SLCO2B1: variants seen among roughly 807,000 people sequenced by gnomAD.
The protein encoded by SLCO2B1 is solute carrier organic anion transporter family member 2B1, also known as OATP-RP2.
A neutral mutation model predicts 67.3 loss-of-function variants in SLCO2B1; 41 were observed. That is an observed-to-expected ratio of 0.61 (90% confidence interval 0.47 to 0.79). The LOEUF is 0.79. Among genes scored for constraint, SLCO2B1 ranks in the 30% least tolerant of loss-of-function variants. The probability of loss-of-function intolerance (pLI) is 0.00; values close to 1 mark genes in which losing one functional copy is unlikely to be tolerated. For synonymous variants in SLCO2B1, 379 were observed against 381.4 expected, an observed-to-expected ratio of 0.99 and a Z score of 0.07; for missense variants, 837 against 920.1, an observed-to-expected ratio of 0.91 and a Z score of 1.17.
At chr11:75,158,432 C>A (rs1412835377) in intron 1 of SLCO2B1, among the ~76,000 whole-genome samples, 2 of 152,044 alleles carry the variant, frequency 1.3e-5, no homozygotes, top group African/African-American at 4.8e-5. Context: ...GGGAACCTAG[C>A]AAGGCCTGTT....
chr11:75,181,426 G>A (rs536934000), intron 7 of SLCO2B1, among the ~76,000 whole-genome samples: 1 of 151,678 alleles, frequency 6.6e-6, no homozygotes, highest in South Asian at 2.1e-4. Context: ...ATTCTTCATG[G>A]AAACTCAGCT....
At position 75,158,488 on chromosome 11, in the gene SLCO2B1, G is replaced by GT. The variant is rs545492185; in HGVS notation, c.17-4157dup. 2.1e-3 allele frequency among the ~76,000 whole-genome samples: 315 copies of GT among 149,904 alleles called. 1 individual carries two copies. Among genetic ancestry groups the GT allele is most frequent in the Non-Finnish European group, 3.2e-3 (217 of 67,290 alleles). Reference sequence around the variant, plus strand: ...TCCTTGCATCTTCAAAGTTAAGGCTGTTTTTTTTTTCTCCAGGTACAAAGA... The same window carrying GT: ...TCCTTGCATCTTCAAAGTTAAGGCTGTTTTTTTTTTTCTCCAGGTACAAAGA... On this transcript the variant is annotated intron_variant, in intron 1 of 13. Coordinates refer to ENST00000289575, the MANE Select transcript of SLCO2B1 (RefSeq NM_007256.5).
At chr11:75,194,928 T>C (rs1374185439) in intron 9 of SLCO2B1, among the ~76,000 whole-genome samples, 2 of 152,190 alleles carry the variant, frequency 1.3e-5, no homozygotes, top group Non-Finnish European at 2.9e-5. Context: ...GAAGAGACCA[T>C]TTGGGACCAA....
chr11:75,180,093 C>T (rs1296035718), intron 7 of SLCO2B1, among the ~76,000 whole-genome samples: 1 of 152,254 alleles, frequency 6.6e-6, no homozygotes, highest in Non-Finnish European at 1.5e-5. Context: ...TCTTGGCTCA[C>T]TGCAACCTCT....
intron 7 of SLCO2B1, among the ~76,000 whole-genome samples, chr11:75,178,338 T>A (rs12275982): frequency 0.026 from 3,931 of 152,306 alleles, 74 homozygotes; most frequent in African/African-American, 0.048. Context: ...AGGTGGGCAG[T>A]TCAGTGCCAA....
intron 7 of SLCO2B1, among the ~76,000 whole-genome samples, chr11:75,186,159 C>G (rs902400824): frequency 6.6e-6 from 1 of 152,110 alleles, no homozygotes; most frequent in African/African-American, 2.4e-5. Flanking sequence ...GATCCTCCCT[C>G]CTCAGCCTCT....
rs970758196 is a variant in SLCO2B1, at chr11:75,151,873, G to A, written c.16+476G>A. ...CAGGGAAAGGTAGGGAGGTCAAACCGGGAGAGAGGGCTGCAGCAGAGACTG... is the reference window on the plus strand; with the variant it reads ...CAGGGAAAGGTAGGGAGGTCAAACCAGGAGAGAGGGCTGCAGCAGAGACTG... On this transcript the variant is annotated intron_variant, in intron 1 of 13. Coordinates refer to ENST00000289575, the MANE Select transcript of SLCO2B1 (RefSeq NM_007256.5). The A allele has an allele frequency of 3.7e-5, 6 of 164,176 alleles. No homozygotes were observed. In the South Asian group the frequency reaches 5.0e-4, roughly 14 times the overall value. The allele number at this position is 164,176 out of a possible 1,614,324, so 10.2% of individuals were successfully genotyped here.
chr11:75,164,968 T>C lies in SLCO2B1; in HGVS notation c.286-819T>C, dbSNP rs534505337. On this transcript the variant is annotated intron_variant, in intron 3 of 13. Transcript: ENST00000289575. Reference sequence around the variant, plus strand: ...CATCCCCTGGCTCCCCTGCTGATACTGATCCACTCCCCCAGCGAGGAGTGT... The same window carrying C: ...CATCCCCTGGCTCCCCTGCTGATACCGATCCACTCCCCCAGCGAGGAGTGT... Among the ~76,000 whole-genome samples, 4 of 152,298 alleles carry C rather than the reference T, an allele frequency of 2.6e-5. No individual in the cohort carries two copies. The South Asian group carries it at 8.3e-4, about 32-fold the overall frequency.
At chr11:75,191,197 G>A (rs1945018882) in intron 8 of SLCO2B1, among the ~76,000 whole-genome samples, 1 of 152,070 alleles carries the variant, frequency 6.6e-6, no homozygotes, top group Non-Finnish European at 1.5e-5. Flanking sequence ...GAGACCCTAG[G>A]AAACTCCTGG....
chr11:75,192,512 G>A lies in SLCO2B1; in HGVS notation c.1076-706G>A, dbSNP rs182632965. ...TGCGAAGGAGGATGAAGGCCTGGGA[G>A]GCTTGGAAAAAGCTGTAGCAGGACA... On this transcript the variant is annotated intron_variant, in intron 8 of 13. Coordinates refer to ENST00000289575, the MANE Select transcript of SLCO2B1 (RefSeq NM_007256.5). Among the ~76,000 whole-genome samples, 1,386 of 152,230 alleles carry A rather than the reference G, an allele frequency of 9.1e-3. 9 individuals are homozygous for A. The highest frequency in any genetic ancestry group is 0.015 in the Non-Finnish European group (1,025 of 68,022).
chr11:75,154,673 T>C (rs1399313266), intron 1 of SLCO2B1, among the ~76,000 whole-genome samples: 2 of 152,232 alleles, frequency 1.3e-5, no homozygotes, highest in Admixed American at 1.3e-4. Context: ...AAATCTGTAC[T>C]GAAGGCTCCA....
chr11:75,166,080 C>A (rs1056248074), intron 4 of SLCO2B1, 131 bp downstream of exon 4: 14 of 1,072,670 alleles, frequency 1.3e-5, no homozygotes, highest in South Asian at 1.8e-5. Flanking sequence ...AGCTGCTAGT[C>A]CCCCCCCAAC....
intron 10 of SLCO2B1, among the ~76,000 whole-genome samples, chr11:75,197,765 T>C (rs1158565612): frequency 6.6e-6 from 1 of 152,190 alleles, no homozygotes; most frequent in African/African-American, 2.4e-5. Context: ...TGCCAGGCCC[T>C]GTTCTGGGAG....
intron 7 of SLCO2B1, among the ~76,000 whole-genome samples, chr11:75,178,093 C>CAA (rs71804511): frequency 0.013 from 1,060 of 84,310 alleles, 14 homozygotes; most frequent in African/African-American, 0.035. Flanking sequence ...GATTCCATCT[C>CAA]AAAAAAAAAA....
At chr11:75,192,052 TC>T (rs1306764091) in intron 8 of SLCO2B1, among the ~76,000 whole-genome samples, 2 of 152,076 alleles carry the variant, frequency 1.3e-5, no homozygotes, top group Non-Finnish European at 2.9e-5. Context: ...CATTTGCCCC[TC>T]CTGGGCCCCT....
At chr11:75,194,653 C>T (rs557516872) in intron 9 of SLCO2B1, among the ~76,000 whole-genome samples, 8 of 152,302 alleles carry the variant, frequency 5.3e-5, no homozygotes, top group Non-Finnish European at 1.2e-4. Flanking sequence ...TTGTTCTAGG[C>T]ACTGCAGCGG....
Position 75,169,510 on chromosome 11 carries a change from C to T in SLCO2B1, c.682+104C>T, listed in dbSNP as rs78381474. 1,704 of 1,221,002 alleles carry T rather than the reference C, an allele frequency of 1.4e-3. 27 individuals carry two copies. In the African/African-American group the frequency reaches 0.024, roughly 17 times the overall value. The allele number at this position is 1,221,002 out of a possible 1,614,324, so 75.6% of individuals were successfully genotyped here. A position where few individuals can be genotyped will look rare whatever the true frequency, so the allele number is the denominator to read the frequency against. ...CTGGAGATGGAATCCCTGCCCCCTG[C>T]CCCATCTGGCCAGTAAAGGTCCAGG... is the stretch of plus-strand genomic sequence containing the variant. On this transcript the variant is annotated intron_variant, in intron 5 of 13. Coordinates refer to ENST00000289575, the MANE Select transcript of SLCO2B1 (RefSeq NM_007256.5).
chr11:75,159,438 C>T (rs908358247), intron 1 of SLCO2B1, among the ~76,000 whole-genome samples: 1 of 152,338 alleles, frequency 6.6e-6, no homozygotes, highest in Non-Finnish European at 1.5e-5. Context: ...GTCCCATGGC[C>T]GTCCCATCCT....
intron 7 of SLCO2B1, among the ~76,000 whole-genome samples, chr11:75,186,487 G>A (rs1944934079): frequency 6.6e-6 from 1 of 151,764 alleles, no homozygotes; most frequent in African/African-American, 2.4e-5. Flanking sequence ...GAGATTACAG[G>A]TGTGAGCCGC....
Sources: allele counts gnomAD v4.1 joint callset (sites outside exome capture counted in the v4.1 genomes callset), GRCh38; gene constraint gnomAD v4.1.1; transcripts MANE v1.5; gene names NCBI Gene and HGNC (gene_info 2026-07-23, HGNC 2026-07-21).